MSN: variants seen among roughly 807,000 people sequenced by gnomAD.
The protein encoded by MSN is epididymis luminal protein 70.
A neutral mutation model predicts 48.0 loss-of-function variants in MSN; 2 were observed. The observed-to-expected ratio is 0.04, with a 90% CI of 0.02 to 0.13. The LOEUF (loss-of-function observed/expected upper bound fraction) is 0.13. MSN is among the 10% of genes least tolerant of loss of function. MSN has a pLI of 1.00. For missense variants in MSN, 267 were observed against 470.1 expected (o/e 0.57, Z 3.99); for synonymous variants, 146 against 166.9 (o/e 0.87, Z 0.97).
In MSN at chrX:65,741,273, T is replaced by C. The variant is rs2071733711; in HGVS notation, c.*1380T>C. The C allele has an allele frequency of 5.9e-6, 1 of 168,896 alleles. No homozygotes were observed. 13.9% of individuals were successfully genotyped at this position (168,896 alleles called of 1,213,427 possible). ...CTTCTCTGTCTCATGTGTGCTCTTC[T>C]TCTTTCTACAGTATTATGTACTCTA... On this transcript the variant is annotated 3_prime_UTR_variant, in exon 13 of 13. Transcript: ENST00000360270.
At chrX:65,598,541 C>T (rs1296727004) in intron 1 of MSN, among the ~76,000 whole-genome samples, 5 of 111,594 alleles carry the variant, frequency 4.5e-5, no homozygotes, top group African/African-American at 1.3e-4. Context: ...TAAAATCCTA[C>T]GTCTTGAATA....
intron 8 of MSN, 26 bp downstream of exon 8, chrX:65,735,456 G>A (rs751805244): frequency 7.6e-6 from 9 of 1,178,206 alleles, no homozygotes; most frequent in Non-Finnish European, 9.1e-6. Flanking sequence ...TGATGTGGGG[G>A]GCCAGGGCTG....
At position 65,733,241 on chromosome X, in the gene MSN, T is replaced by C; in HGVS notation, c.756T>C (p.Asp252=). 1 of 1,211,291 alleles carries C rather than the reference T, an allele frequency of 8.3e-7. No homozygotes were observed. ...WSEIRNISFN[D]KKFVIKPIDK... Reference sequence around the variant, plus strand: ...AAATCAGGAACATCTCTTTCAATGATAAGAAATTTGTCATCAAGCCCATTG... The same window carrying C: ...AAATCAGGAACATCTCTTTCAATGACAAGAAATTTGTCATCAAGCCCATTG... The change falls in exon 7 of 13, where the codon GAT becomes GAC. Residue 252 remains aspartate (D), a synonymous_variant. Coordinates refer to ENST00000360270, the MANE Select transcript of MSN (RefSeq NM_002444.3).
rs185295148 is a variant in MSN, at chrX:65,626,555, T to A, written c.-22+37943T>A. On this transcript the variant is annotated intron_variant, in intron 1 of 3. Coordinates refer to the MSN transcript ENST00000609672. ...TCACTGAAGTTTCTGGGTTTTTTTT[T>A]AAAAAGCTTATGTTCAGCTGGTGTT... Among the ~76,000 whole-genome samples the A allele has an allele frequency of 5.3e-3, 584 of 111,197 alleles. 5 individuals are homozygous for A. The highest frequency in any genetic ancestry group is 9.2e-3 in the Middle Eastern group (2 of 218).
intron 1 of MSN, among the ~76,000 whole-genome samples, chrX:65,599,431 G>A (rs977300070): frequency 4.4e-5 from 5 of 112,474 alleles, no homozygotes; most frequent in African/African-American, 1.6e-4. Flanking sequence ...TCAAGAGATC[G>A]AGACCATCCT....
At chrX:65,625,030 T>A (rs1407025367) in intron 1 of MSN, 8 of 112,134 alleles carry the variant, frequency 7.1e-5, no homozygotes. Flanking sequence ...TCCTTTTTAA[T>A]TTCTTCTTTG....
chrX:65,607,091 T>C (rs1173961220), intron 1 of MSN, among the ~76,000 whole-genome samples: 1 of 112,265 alleles, frequency 8.9e-6, no homozygotes, highest in Non-Finnish European at 1.9e-5. Flanking sequence ...CCAGGTATTT[T>C]ATACATCTTT....
At chrX:65,634,158 G>C (rs2070580226) in intron 1 of MSN, among the ~76,000 whole-genome samples, 1 of 112,293 alleles carries the variant, frequency 8.9e-6, no homozygotes, top group Non-Finnish European at 1.9e-5. Context: ...AACAGTCAGA[G>C]AGCCATTGAA....
intron 1 of MSN, among the ~76,000 whole-genome samples, chrX:65,679,737 A>T (rs1312600923): frequency 8.9e-6 from 1 of 112,369 alleles, no homozygotes; most frequent in Non-Finnish European, 1.9e-5. Context: ...TGCTTGTGAA[A>T]CAAGGATCCC....
rs111594441 is a variant in MSN at position 65,735,560 on chromosome X, C to T, written c.959+130C>T. The T allele has an allele frequency of 3.9e-6, 3 of 770,233 alleles. No homozygotes were observed. In the East Asian group the frequency reaches 1.1e-4, roughly 27 times the overall value. The allele number at this position is 770,233 out of a possible 1,213,427, so 63.5% of individuals were successfully genotyped here. A position where few individuals can be genotyped will look rare whatever the true frequency, so the allele number is the denominator to read the frequency against. ...AGATGAGAGGTTAGACACCAATATT[C>T]ACATTTATTCAGAAAAAATCTACCA... On this transcript the variant is annotated intron_variant, in intron 8 of 12. Coordinates refer to ENST00000360270, the MANE Select transcript of MSN (RefSeq NM_002444.3).
At chrX:65,630,094 G>A (rs968313616) in intron 1 of MSN, among the ~76,000 whole-genome samples, 2 of 109,506 alleles carry the variant, frequency 1.8e-5, no homozygotes, top group East Asian at 2.9e-4. Context: ...TTCAAGAATC[G>A]CTGGAACCTG....
chrX:65,711,887 C>G (rs940601107), intron 1 of MSN, among the ~76,000 whole-genome samples: 1 of 111,593 alleles, frequency 9.0e-6, no homozygotes, highest in Non-Finnish European at 1.9e-5. Context: ...CAACATCTTG[C>G]ATGAGTACCC....
chrX:65,626,181 C>T (rs2070504231), intron 1 of MSN, among the ~76,000 whole-genome samples: 1 of 111,047 alleles, frequency 9.0e-6, no homozygotes. Flanking sequence ...GTCTCGATCT[C>T]CTGACATTGT....
At chrX:65,671,834 G>T (rs2070945210) in intron 1 of MSN, among the ~76,000 whole-genome samples, 1 of 112,074 alleles carries the variant, frequency 8.9e-6, no homozygotes, top group African/African-American at 3.2e-5. Context: ...AGAGGGAAAG[G>T]TTGCTCTGTG....
chrX:65,728,206 T>C (rs1420068388), intron 3 of MSN, among the ~76,000 whole-genome samples: 3 of 112,555 alleles, frequency 2.7e-5, no homozygotes, highest in Non-Finnish European at 5.6e-5. Flanking sequence ...TCAAATCCAT[T>C]AGTGGCTTTT....
rs765553024 is a variant in MSN, at chrX:65,659,132, C to T, written c.-21-57686C>T. ...GTGCTGGGATTACAGGTGTGAGCCA[C>T]CGTGCCTGGCTACCTTTTTTCTTTT... On this transcript the variant is annotated intron_variant, in intron 1 of 3. Transcript: ENST00000609672. Among the ~76,000 whole-genome samples the T allele has an allele frequency of 3.7e-5, 4 of 109,377 alleles. No homozygotes were observed. In the South Asian group the frequency reaches 1.6e-3, roughly 43 times the overall value. 95.0% of individuals were successfully genotyped at this position (109,377 alleles called of 115,157 possible). A position where few individuals can be genotyped will look rare whatever the true frequency, so the allele number is the denominator to read the frequency against.
At chrX:65,715,194 C>A (rs1303776502) in intron 1 of MSN, among the ~76,000 whole-genome samples, 1 of 111,364 alleles carries the variant, frequency 9.0e-6, no homozygotes, top group African/African-American at 3.3e-5. Flanking sequence ...TGTTTTTGTA[C>A]CAGTACAATG....
chrX:65,727,958 A>G, intron 3 of MSN, 49 bp downstream of exon 3: 7 of 1,102,824 alleles, frequency 6.3e-6, no homozygotes, highest in Non-Finnish European at 8.7e-6. Flanking sequence ...CTTTTCCAGA[A>G]CATTCCTGGG....
intron 1 of MSN, among the ~76,000 whole-genome samples, chrX:65,709,204 A>C (rs1473916310): frequency 1.8e-5 from 2 of 111,190 alleles, no homozygotes; most frequent in Non-Finnish European, 3.8e-5. Flanking sequence ...ATCATATGGT[A>C]GTCCTATTTT....
Sources: gnomAD v4.1 joint callset for allele counts (sites outside exome capture counted in the v4.1 genomes callset) on GRCh38, gnomAD v4.1.1 for gene constraint, MANE v1.5 for transcripts, NCBI Gene and HGNC (gene_info 2026-07-23, HGNC 2026-07-21) for gene names.